The following DSE variants were observed in gnomAD, a reference collection of about 807,000 sequenced individuals.
DSE encodes dermatan sulfate epimerase.
A neutral mutation model predicts 84.4 loss-of-function variants in DSE; 36 were observed. That is an observed-to-expected ratio of 0.43 (90% CI 0.33 to 0.56). The LOEUF is 0.56. Ranked by LOEUF, DSE falls within the 20% of genes least tolerant of loss-of-function variation. DSE has a pLI of 0.06. For synonymous variants in DSE, 410 were observed against 430.1 expected, an observed-to-expected ratio of 0.95 and a Z score of 0.58; for missense variants, 862 against 1,169.6, an observed-to-expected ratio of 0.74 and a Z score of 3.84.
rs1562314835 is a variant in DSE, at chr6:116,436,526, C to T, written c.2058C>T (p.Phe686=). The change falls in exon 6 of 6, where the codon TTC becomes TTT. Residue 686 remains phenylalanine, a synonymous_variant. Coordinates refer to ENST00000644252, the MANE Select transcript of DSE (RefSeq NM_013352.4). Reference sequence around the variant, plus strand: ...GAGACTCTCAGCAACTGGATGTGTTCATAGCCACCAGCAAACATGCCTACG... The same window carrying T: ...GAGACTCTCAGCAACTGGATGTGTTTATAGCCACCAGCAAACATGCCTACG... The part of the protein sequence containing the change: ...VHGDSQQLDV[F]IATSKHAYAT... 2.5e-6 allele frequency: 4 copies of T among 1,614,168 alleles called. No individual in the cohort carries two copies. The highest frequency in any genetic ancestry group is 3.4e-6 in the Non-Finnish European group (4 of 1,180,006).
At chr6:116,405,579 C>T (rs931151812) in intron 2 of DSE, among the ~76,000 whole-genome samples, 2 of 152,120 alleles carry the variant, frequency 1.3e-5, no homozygotes, top group Non-Finnish European at 2.9e-5. Context: ...GGAAGCTATT[C>T]CCTTTTATGC....
intron 2 of DSE, among the ~76,000 whole-genome samples, chr6:116,289,130 G>T (rs532369003): frequency 2.6e-5 from 4 of 152,128 alleles, no homozygotes; most frequent in African/African-American, 9.6e-5. Context: ...AATTCAGGAA[G>T]TGTTAGTTGA....
chr6:116,358,832 T>C (rs538957469), intron 2 of DSE, among the ~76,000 whole-genome samples: 24 of 152,222 alleles, frequency 1.6e-4, no homozygotes, highest in Non-Finnish European at 2.9e-4. Context: ...CATCAAGCCA[T>C]CTTCTTGATG....
intron 1 of DSE, among the ~76,000 whole-genome samples, chr6:116,257,943 G>C (rs1282818533): frequency 6.6e-6 from 1 of 152,142 alleles, no homozygotes; most frequent in African/African-American, 2.4e-5. Flanking sequence ...AATTACTAAA[G>C]AGAAACAAGA....
chr6:116,366,570 C>G (rs1319929136), upstream of DSE: 2 of 151,942 alleles, frequency 1.3e-5, no homozygotes, highest in Admixed American at 6.5e-5. Context: ...TTTAGGACAC[C>G]TTAGGTAGTT....
chr6:116,375,604 A>G (rs1404065991), intron 1 of DSE: 4 of 961,254 alleles, frequency 4.2e-6, no homozygotes, highest in African/African-American at 1.8e-5. Flanking sequence ...GAGTGGCTTG[A>G]TTAGTTGATG....
Position 116,443,650 on chromosome 6 carries a change from T to C in DSE, c.*6305T>C, listed in dbSNP as rs956096764. The C allele has an allele frequency of 1.1e-4, 16 of 152,230 alleles. No homozygotes were observed. Among genetic ancestry groups the C allele is most frequent in the African/African-American group, 3.6e-4 (15 of 41,460 alleles). 9.4% of individuals were successfully genotyped at this position (152,230 alleles called of 1,614,324 possible). On this transcript the variant is annotated 3_prime_UTR_variant, in exon 6 of 6. Coordinates refer to ENST00000644252, the MANE Select transcript of DSE (RefSeq NM_013352.4). The stretch of plus-strand genomic sequence containing the variant: ...GTAAAAGTGCTGCTCCTTCTGCATA[T>C]CTCTAGAAATTTGTTATGGGGAAGT...
chr6:116,259,161 G>A lies in DSE; in HGVS notation c.-54+194G>A, dbSNP rs1562187789. ...GTCTCTGTTGCTCGACGTAGACCATGCGCCACCCTGGCACAGACAGGAAGA... is the reference window on the plus strand; with the variant it reads ...GTCTCTGTTGCTCGACGTAGACCATACGCCACCCTGGCACAGACAGGAAGA... On this transcript the variant is annotated intron_variant, in intron 2 of 3. Coordinates refer to the DSE transcript ENST00000430252. 6.5e-6 allele frequency: 6 copies of A among 917,922 alleles called. No individual in the cohort carries two copies. In the East Asian group the frequency reaches 1.6e-4, roughly 24 times the overall value. 56.9% of individuals were successfully genotyped at this position (917,922 alleles called of 1,614,324 possible).
intron 2 of DSE, among the ~76,000 whole-genome samples, chr6:116,266,624 G>T (rs911893994): frequency 6.6e-6 from 1 of 152,106 alleles, no homozygotes; most frequent in Admixed American, 6.5e-5. Context: ...ATATACCTAT[G>T]AGTGATATAT....
At chr6:116,263,183 C>T (rs922578935) in intron 2 of DSE, among the ~76,000 whole-genome samples, 2 of 152,028 alleles carry the variant, frequency 1.3e-5, no homozygotes, top group Admixed American at 1.3e-4. Flanking sequence ...TTTTCTGCCT[C>T]AACAATCTAA....
chr6:116,301,146 G>A (rs551007089), intron 2 of DSE, among the ~76,000 whole-genome samples: 113 of 149,750 alleles, frequency 7.5e-4, no homozygotes, highest in African/African-American at 2.7e-3. Context: ...TGGTTATATG[G>A]ACAGAGCAGT....
chr6:116,255,565 C>T (rs1306859626), intron 1 of DSE: 1 of 152,224 alleles, frequency 6.6e-6, no homozygotes, highest in East Asian at 1.9e-4. Flanking sequence ...TTTTCTCTCC[C>T]TCTTTCCTCT....
intron 2 of DSE, among the ~76,000 whole-genome samples, chr6:116,302,480 G>A (rs1285074465): frequency 6.6e-6 from 1 of 152,038 alleles, no homozygotes; most frequent in Non-Finnish European, 1.5e-5. Context: ...TTTTGATGGG[G>A]TTGTTTGTTT....
chr6:116,354,485 C>A lies in DSE; in HGVS notation c.-53-44713C>A, dbSNP rs374882468. On this transcript the variant is annotated intron_variant, in intron 2 of 3. Coordinates refer to the DSE transcript ENST00000430252. ...TGTACAGTAAGGGAACCAGGAAGCT[C>A]ATGGAATTGTCATACAATCTGGCCT... Among the ~76,000 whole-genome samples the A allele has an allele frequency of 7.9e-5, 12 of 152,132 alleles. No individual in the cohort carries two copies. In the East Asian group the frequency reaches 1.9e-3, roughly 24 times the overall value.
intron 2 of DSE, among the ~76,000 whole-genome samples, chr6:116,328,457 G>A (rs949558955): frequency 4.6e-5 from 7 of 152,172 alleles, no homozygotes; most frequent in African/African-American, 1.7e-4. Context: ...CCTTCAGTTT[G>A]AGATGGGGTG....
At chr6:116,284,434 T>G (rs1773740449) in intron 2 of DSE, among the ~76,000 whole-genome samples, 2 of 152,140 alleles carry the variant, frequency 1.3e-5, no homozygotes. Flanking sequence ...CAGAAAGTAA[T>G]AGACCCATGA....
In DSE at chr6:116,436,087, A is replaced by G; in HGVS notation, c.1619A>G (p.Glu540Gly). 1.2e-6 allele frequency: 2 copies of G among 1,613,268 alleles called. No individual in the cohort carries two copies. Among genetic ancestry groups the G allele is most frequent in the Non-Finnish European group, 1.7e-6 (2 of 1,179,994 alleles). Residue 540 changes from glutamate to glycine, a missense_variant, in exon 6 of 6, where the codon GAA (glutamate) becomes GGA (glycine). By Grantham distance (98) the Glu-to-Gly change is moderately conservative. Transcript: ENST00000644252. Reference sequence around the variant, plus strand: ...AATGGGGTGGTTTTCATCCGAGGAGAAGGTGTGGGAGCTTATAACCCCCAG... The same window carrying G: ...AATGGGGTGGTTTTCATCCGAGGAGGAGGTGTGGGAGCTTATAACCCCCAG... ...EKNGVVFIRG[E>G]GVGAYNPQLN...
rs765491177 is a variant in DSE at position 116,439,751 on chromosome 6, A to G, written c.*2406A>G. 1 of 152,206 alleles carries G rather than the reference A, an allele frequency of 6.6e-6. No individual in the cohort carries two copies. The highest frequency in any genetic ancestry group is 1.5e-5 in the Non-Finnish European group (1 of 68,046). 9.4% of individuals were successfully genotyped at this position (152,206 alleles called of 1,614,324 possible). ...GTGAGCTGTTGTTCAGGGGATTGGC[A>G]GGACTCTTGGTCCTAGCCTTAAAGA... On this transcript the variant is annotated 3_prime_UTR_variant, in exon 6 of 6. Transcript: ENST00000644252.
intron 1 of DSE, among the ~76,000 whole-genome samples, chr6:116,385,917 A>G (rs1284113474): frequency 6.6e-6 from 1 of 152,214 alleles, no homozygotes; most frequent in African/African-American, 2.4e-5. Context: ...CTTCATGTGT[A>G]GTAATAAAAG....
Sources: gnomAD v4.1 joint callset for allele counts (sites outside exome capture counted in the v4.1 genomes callset) on GRCh38, gnomAD v4.1.1 for gene constraint, MANE v1.5 for transcripts, NCBI Gene and HGNC (gene_info 2026-07-23, HGNC 2026-07-21) for gene names.